The following PMPCA variants were observed in gnomAD, a reference collection of about 807,000 sequenced individuals.
The protein encoded by PMPCA is mitochondrial-processing peptidase subunit alpha.
PMPCA carries 47 observed loss-of-function variants against 59.3 expected under a neutral mutation model. The observed-to-expected ratio is 0.79, with a 90% confidence interval of 0.63 to 1.01. The LOEUF (loss-of-function observed/expected upper bound fraction) is 1.01, where lower values mean the gene tolerates loss of function less well. Ranked by LOEUF, PMPCA falls within the 50% of genes least tolerant of loss-of-function variation. The pLI, the probability that PMPCA is intolerant of heterozygous loss-of-function variation, is 0.00. For missense variants in PMPCA, 726 were observed against 704.5 expected (o/e 1.03, Z -0.34); for synonymous variants, 338 against 290.3 (o/e 1.16, Z -1.67).
intron 1 of PMPCA, 73 bp from the exon 2 acceptor site, chr9:136,411,924 A>T: frequency 1.2e-6 from 1 of 840,524 alleles, no homozygotes; most frequent in Non-Finnish European, 2.0e-6. Context: ...AAACATAACT[A>T]ACCGCACCTA....
At chr9:136,418,704 C>T (rs1479031153) in intron 9 of PMPCA, 31 bp downstream of exon 9, 5 of 1,531,518 alleles carry the variant, frequency 3.3e-6, no homozygotes, top group Non-Finnish European at 4.5e-6. Context: ...TATCCTCAGG[C>T]CACCAGGCCA....
chr9:136,410,804 C>A, intron 1 of PMPCA, 65 bp downstream of exon 1: 1 of 1,282,714 alleles, frequency 7.8e-7, no homozygotes, highest in Non-Finnish European at 1.0e-6. Flanking sequence ...CTGGACGCTC[C>A]GTCTTCGGTT....
chr9:136,418,721 G>T (rs374163965), intron 9 of PMPCA, 48 bp downstream of exon 9: 2 of 1,516,608 alleles, frequency 1.3e-6, no homozygotes, highest in Non-Finnish European at 1.8e-6. Flanking sequence ...GCCAGGCCAG[G>T]TGTGTTTTTG....
chr9:136,423,492 A>G lies in PMPCA; in HGVS notation c.*228A>G. 1.5e-5 allele frequency: 8 copies of G among 534,954 alleles called. No homozygotes were observed. In the South Asian group the frequency reaches 1.9e-4, roughly 12 times the overall value. The allele number at this position is 534,954 out of a possible 1,614,324, so 33.1% of individuals were successfully genotyped here. ...AAGCCAGGAAGCAGGTGAAGTGCCC[A>G]GCGCTGGAGTGCAGCGTGCCACGAG... On this transcript the variant is annotated 3_prime_UTR_variant, in exon 13 of 13. Transcript: ENST00000371717.
Position 136,423,426 on chromosome 9 carries a change from A to G in PMPCA, c.*162A>G, listed in dbSNP as rs1240382621. 8 of 698,648 alleles carry G rather than the reference A, an allele frequency of 1.1e-5. No homozygotes were observed. The highest frequency in any genetic ancestry group is 3.7e-5 in the South Asian group (2 of 53,672). The allele number at this position is 698,648 out of a possible 1,614,324, so 43.3% of individuals were successfully genotyped here. On this transcript the variant is annotated 3_prime_UTR_variant, in exon 13 of 13. Coordinates refer to ENST00000371717, the MANE Select transcript of PMPCA (RefSeq NM_015160.3). ...GCGGTTTGCATTCTTTTGGAACTCA[A>G]TGTGCCGATCAGTGGAGTCAGTATC...
At chr9:136,422,130 A>G (rs1264596794) in intron 12 of PMPCA, 154 bp downstream of exon 12, 7 of 1,544,144 alleles carry the variant, frequency 4.5e-6, no homozygotes, top group Non-Finnish European at 6.1e-6. Context: ...AGGGGCGGCC[A>G]AGGGCAGGGT....
chr9:136,416,233 C>A, intron 5 of PMPCA, 58 bp from the exon 6 acceptor site: 1 of 1,260,404 alleles, frequency 7.9e-7, no homozygotes. Context: ...TGGGTCACTG[C>A]TGTGTTCCTC....
At chr9:136,415,932 G>A (rs142866391) in intron 5 of PMPCA, 67 of 255,010 alleles carry the variant, frequency 2.6e-4, no homozygotes, top group Middle Eastern at 1.2e-3. Context: ...CGCACCCAGC[G>A]TGTGCCTCTG....
intron 12 of PMPCA, chr9:136,422,257 T>A: frequency 7.4e-7 from 1 of 1,357,330 alleles, no homozygotes; most frequent in African/African-American, 1.5e-5. Flanking sequence ...CCCAGAGTTG[T>A]TAAAGAGCAC....
Position 136,423,227 on chromosome 9 carries a change from A to G in PMPCA, c.1541A>G (p.Asp514Gly), listed in dbSNP as rs773942515. ...EHIQTALSSK[D>G]GRLPRTYRLF... ...ATCCAGACCGCCCTGTCGAGTAAGG[A>G]CGGGCGCCTGCCCAGGACGTACCGG... is the stretch of plus-strand genomic sequence containing the variant. The change falls in exon 13 of 13, where the codon GAC becomes GGC. Residue 514 changes from aspartate (D) to glycine (G), a missense_variant. Physicochemically the swap from Asp to Gly is moderately conservative, Grantham distance 94. Coordinates refer to ENST00000371717, the MANE Select transcript of PMPCA (RefSeq NM_015160.3). 6.2e-7 allele frequency: 1 copy of G among 1,613,342 alleles called. No individual in the cohort carries two copies. Among genetic ancestry groups the G allele is most frequent in the South Asian group, 1.1e-5 (1 of 91,082 alleles).
intron 11 of PMPCA, 102 bp downstream of exon 11, chr9:136,419,208 A>C (rs1194333340): frequency 9.1e-7 from 1 of 1,102,442 alleles, no homozygotes; most frequent in African/African-American, 1.5e-5. Flanking sequence ...CCTGAGCCTC[A>C]GGGCCAAGGT....
At position 136,416,935 on chromosome 9, in the gene PMPCA, G is replaced by A. The variant is rs1453528284; in HGVS notation, c.634-16G>A. The A allele has an allele frequency of 1.3e-6, 2 of 1,596,838 alleles. No individual in the cohort carries two copies. The highest frequency in any genetic ancestry group is 1.1e-5 in the South Asian group (1 of 89,222). On this transcript the variant is annotated splice_polypyrimidine_tract_variant and intron_variant, in intron 6 of 12. Coordinates refer to ENST00000371717, the MANE Select transcript of PMPCA (RefSeq NM_015160.3). The stretch of plus-strand genomic sequence containing the variant: ...GCTGTCTTCAGTCACCTGTGTCTGT[G>A]GCTCTTCCCCATTAGGCGGCTTACA...
intron 2 of PMPCA, 53 bp downstream of exon 2, chr9:136,412,252 CT>C: frequency 8.1e-7 from 1 of 1,228,484 alleles, no homozygotes; most frequent in Non-Finnish European, 1.2e-6. Context: ...CATGCACATG[CT>C]TTAGTTGACT....
chr9:136,417,137 G>T lies in PMPCA; in HGVS notation c.820G>T (p.Val274Phe). 6 of 1,613,322 alleles carry T rather than the reference G, an allele frequency of 3.7e-6. No homozygotes were observed. The highest frequency in any genetic ancestry group is 3.4e-6 in the Non-Finnish European group (4 of 1,179,662). Residue 274 changes from valine (V) to phenylalanine (F), a missense_variant, in exon 7 of 13, where the codon GTC (valine) becomes TTC (phenylalanine). Val to Phe is a conservative substitution (Grantham distance 50, BLOSUM62 -1). Transcript: ENST00000371717. Reference protein sequence around the residue: ...VDCARKYLLGVQPAWGSAEAV... With the variant: ...VDCARKYLLGFQPAWGSAEAV... ...CTGTGCCCGGAAGTACCTCCTGGGG[G>T]TCCAGCCGGCCTGGGGGAGCGCAGA...
chr9:136,417,284 T>G, intron 7 of PMPCA, 70 bp downstream of exon 7: 1 of 1,324,668 alleles, frequency 7.5e-7, no homozygotes, highest in South Asian at 1.4e-5. Context: ...GTGACCTGTT[T>G]TTGTATTGAT....
chr9:136,421,817 G>A lies in PMPCA; in HGVS notation c.1264-15G>A, dbSNP rs904541211. The A allele has an allele frequency of 5.1e-6, 8 of 1,575,104 alleles. No individual in the cohort carries two copies. Among genetic ancestry groups the A allele is most frequent in the South Asian group, 2.3e-5 (2 of 85,390 alleles). ...GGGGCGGGTGTGTGCTCACCTGACT[G>A]GACCCTGGCCCCAGGTGGAGCTGGA... On this transcript the variant is annotated splice_polypyrimidine_tract_variant and intron_variant, in intron 11 of 12. Transcript: ENST00000371717.
intron 12 of PMPCA, chr9:136,422,334 G>C (rs1261218570): frequency 8.4e-6 from 10 of 1,184,380 alleles, no homozygotes; most frequent in Non-Finnish European, 1.1e-5. Flanking sequence ...GCAGTGGCTC[G>C]GAATGCCGCT....
chr9:136,412,729 CA>C, intron 3 of PMPCA, 80 bp from the exon 4 acceptor site: 1 of 926,014 alleles, frequency 1.1e-6, no homozygotes, highest in East Asian at 2.4e-5. Flanking sequence ...GTGTTAAAAG[CA>C]AAAGTAGATT....
At chr9:136,410,765 G>A (rs1835074815) in intron 1 of PMPCA, 26 bp downstream of exon 1, 5 of 1,387,544 alleles carry the variant, frequency 3.6e-6, no homozygotes, top group African/African-American at 1.5e-5. Flanking sequence ...ACCAGGCTTC[G>A]GCCTGGGGCG....
Sources: gnomAD v4.1 joint callset for allele counts on GRCh38, gnomAD v4.1.1 for gene constraint, MANE v1.5 for transcripts, NCBI Gene and HGNC (gene_info 2026-07-23, HGNC 2026-07-21) for gene names.